Variants in NEGR1 observed in about 807,000 individuals in gnomAD.
The protein encoded by NEGR1 is neuronal growth regulator 1.
In NEGR1, 10 loss-of-function variants were observed where a neutral mutation model predicts 40.9. That is an observed-to-expected ratio of 0.24 (90% CI 0.15 to 0.42). The LOEUF (loss-of-function observed/expected upper bound fraction) is 0.42, where lower values mean the gene tolerates loss of function less well. Among genes scored for constraint, NEGR1 ranks in the 10% least tolerant of loss-of-function variants. The probability of loss-of-function intolerance (pLI) is 1.00; values close to 1 mark genes in which losing one functional copy is unlikely to be tolerated. For synonymous variants in NEGR1, 185 were observed against 166.8 expected (o/e 1.11, Z -0.84); for missense variants, 352 against 438.9 (o/e 0.80, Z 1.77).
intron 6 of NEGR1, chr1:71,489,575 A>C (rs1646911707): frequency 6.6e-6 from 1 of 151,978 alleles, no homozygotes; most frequent in African/African-American, 2.4e-5. Flanking sequence ...GGCTGTGTTA[A>C]TAATAATCCA....
At chr1:71,557,449 C>T (rs1648289324) in intron 6 of NEGR1, among the ~76,000 whole-genome samples, 1 of 151,572 alleles carries the variant, frequency 6.6e-6, no homozygotes, top group African/African-American at 2.4e-5. Context: ...ACGTCATGCA[C>T]TTGGAGAAAA....
At chr1:71,971,575 A>C (rs930812764) in intron 1 of NEGR1, among the ~76,000 whole-genome samples, 9 of 152,344 alleles carry the variant, frequency 5.9e-5, no homozygotes, top group Non-Finnish European at 1.2e-4. Flanking sequence ...TGTAAGTTAA[A>C]GTACTAGGTA....
chr1:71,673,899 C>T (rs1472425135), intron 4 of NEGR1, among the ~76,000 whole-genome samples: 2 of 151,776 alleles, frequency 1.3e-5, no homozygotes, highest in African/African-American at 2.4e-5. Context: ...GACATGTGGA[C>T]GAATTACAGA....
intron 3 of NEGR1, among the ~76,000 whole-genome samples, chr1:71,771,001 C>T (rs548257417): frequency 1.4e-4 from 21 of 152,188 alleles, no homozygotes; most frequent in Admixed American, 5.9e-4. Flanking sequence ...CACATGCACA[C>T]GTATGTTTAT....
chr1:71,724,443 T>G (rs914010456), intron 3 of NEGR1, among the ~76,000 whole-genome samples: 4 of 152,178 alleles, frequency 2.6e-5, no homozygotes, highest in Admixed American at 1.3e-4. Context: ...ATGTCAGTTC[T>G]GGATCAGTTT....
At chr1:72,213,385 C>T (rs1013999727) in intron 1 of NEGR1, among the ~76,000 whole-genome samples, 15 of 151,744 alleles carry the variant, frequency 9.9e-5, no homozygotes, top group Non-Finnish European at 1.9e-4. Flanking sequence ...TCAACAAATT[C>T]CACATGGATT....
intron 1 of NEGR1, among the ~76,000 whole-genome samples, chr1:72,018,097 A>C (rs1646727594): frequency 6.6e-6 from 1 of 152,184 alleles, no homozygotes; most frequent in Non-Finnish European, 1.5e-5. Flanking sequence ...CAGGTTGATG[A>C]ATGAATTAGA....
At chr1:72,219,163 G>A (rs1022779241) in intron 1 of NEGR1, among the ~76,000 whole-genome samples, 6 of 151,994 alleles carry the variant, frequency 3.9e-5, no homozygotes, top group African/African-American at 1.4e-4. Context: ...TTGGCAGTAG[G>A]TGGTTAACAA....
intron 1 of NEGR1, among the ~76,000 whole-genome samples, chr1:72,162,349 C>T (rs1651600633): frequency 6.6e-6 from 1 of 151,224 alleles, no homozygotes; most frequent in South Asian, 2.1e-4. Context: ...CCTGTAATCC[C>T]AGCTACTTGG....
intron 4 of NEGR1, among the ~76,000 whole-genome samples, chr1:71,625,664 T>C (rs890930035): frequency 2.0e-5 from 3 of 151,432 alleles, no homozygotes; most frequent in Non-Finnish European, 2.9e-5. Context: ...TTATGTGTTA[T>C]TTTTCTATAT....
intron 1 of NEGR1, among the ~76,000 whole-genome samples, chr1:72,129,152 T>C (rs1433687443): frequency 6.6e-6 from 1 of 152,142 alleles, no homozygotes; most frequent in Non-Finnish European, 1.5e-5. Flanking sequence ...CAACTCCTTA[T>C]AATAAAGGTA....
chr1:71,918,747 C>T (rs965298676), intron 2 of NEGR1, among the ~76,000 whole-genome samples: 2 of 151,740 alleles, frequency 1.3e-5, no homozygotes, highest in Non-Finnish European at 2.9e-5. Flanking sequence ...TGTTGTTATC[C>T]TGACATTTCA....
At chr1:71,603,922 T>C (rs1421644172) in intron 5 of NEGR1, among the ~76,000 whole-genome samples, 2 of 152,204 alleles carry the variant, frequency 1.3e-5, no homozygotes. Context: ...ATGTTGCTGA[T>C]CCCTGCTTTA....
intron 1 of NEGR1, among the ~76,000 whole-genome samples, chr1:72,060,951 C>A (rs1202038030): frequency 6.6e-6 from 1 of 151,516 alleles, no homozygotes; most frequent in African/African-American, 2.4e-5. Context: ...ATAACATATT[C>A]TGAAATATTC....
At chr1:72,243,548 CAG>C (rs1255872458) in intron 1 of NEGR1, among the ~76,000 whole-genome samples, 1 of 151,768 alleles carries the variant, frequency 6.6e-6, no homozygotes, top group Non-Finnish European at 1.5e-5. Context: ...GACTTTGCAG[CAG>C]AGTCTGTCAC....
At chr1:71,433,401 A>G (rs781517290) in intron 6 of NEGR1, among the ~76,000 whole-genome samples, 2 of 152,214 alleles carry the variant, frequency 1.3e-5, no homozygotes, top group African/African-American at 2.4e-5. Context: ...CACTGCCCCA[A>G]AATGTCCCTG....
At chr1:71,651,270 T>C (rs896477238) in intron 4 of NEGR1, among the ~76,000 whole-genome samples, 15 of 152,252 alleles carry the variant, frequency 9.9e-5, no homozygotes, top group African/African-American at 3.4e-4. Flanking sequence ...AGAGTGGATA[T>C]AACACTTGCA....
intron 2 of NEGR1, among the ~76,000 whole-genome samples, chr1:71,837,601 GACCCTGATTGA>G (rs1486348136): frequency 1.1e-4 from 16 of 151,990 alleles, no homozygotes; most frequent in African/African-American, 3.9e-4. Context: ...TTAATAACTG[GACCCTGATTGA>G]ACATAGCACT....
chr1:71,739,199 G>GAAAAAAAAAAAAAAAAAAA (rs776411417), intron 3 of NEGR1, among the ~76,000 whole-genome samples: 1 of 63,652 alleles, frequency 1.6e-5, no homozygotes, highest in African/African-American at 5.5e-5. Flanking sequence ...AAGGCAGGCA[G>GAAAAAAAAAAAAAAAAAAA]AAAAAAAAAA....
Sources: gnomAD v4.1 joint callset for allele counts (sites outside exome capture counted in the v4.1 genomes callset) on GRCh38, gnomAD v4.1.1 for gene constraint, MANE v1.5 for transcripts, NCBI Gene and HGNC (gene_info 2026-07-23, HGNC 2026-07-21) for gene names.